COL22A1: variants seen among roughly 807,000 people sequenced by gnomAD.
COL22A1 encodes the protein collagen alpha-1(XXII) chain.
COL22A1 carries 221 observed loss-of-function variants against 248.9 expected under a neutral mutation model. The observed-to-expected ratio is 0.89, with a 90% CI of 0.80 to 0.99. The LOEUF is 0.99. Ranked by LOEUF, COL22A1 falls within the 50% of genes least tolerant of loss-of-function variation. COL22A1 has a pLI of 0.00. For missense variants in COL22A1, 2,240 were observed against 2,179.0 expected, an observed-to-expected ratio of 1.03 and a Z score of -0.56; for synonymous variants, 891 against 793.4, an observed-to-expected ratio of 1.12 and a Z score of -2.07.
At position 138,619,482 on chromosome 8, in the gene COL22A1, TG is replaced by T. The variant is rs776569773; in HGVS notation, c.3797del (p.Pro1266GlnfsTer162). On this transcript the variant is annotated frameshift_variant, in exon 53 of 65. Coordinates refer to ENST00000303045, the MANE Select transcript of COL22A1 (RefSeq NM_152888.3). LOFTEE classifies it high-confidence loss of function. ...EPGKAGEPGLPGPEGARGPPG... is the reference protein window; with the variant it reads ...EPGKAGEPGLXGPEGARGPPG... ...GTGGGCCTCGGGCACCCTCTGGTCC[TG>T]GTAGACCTGGCTCTCCTGCTTTGCC... is the stretch of plus-strand genomic sequence containing the variant. The T allele has an allele frequency of 1.2e-6, 2 of 1,614,056 alleles. No individual in the cohort carries two copies. The highest frequency in any genetic ancestry group is 1.7e-6 in the Non-Finnish European group (2 of 1,180,012).
At chr8:138,646,812 C>T (rs1822243029) in intron 46 of COL22A1, 130 bp from the exon 47 acceptor site, 1 of 652,928 alleles carries the variant, frequency 1.5e-6, no homozygotes, top group African/African-American at 1.8e-5. Flanking sequence ...GTCAGCTACC[C>T]CTGCCCCTAG....
chr8:138,805,850 G>T (rs372712159), intron 10 of COL22A1, among the ~76,000 whole-genome samples: 2,474 of 147,376 alleles, frequency 0.017, 42 homozygotes, highest in African/African-American at 0.056. Context: ...GTGTGTATGT[G>T]TGATGGTGTG....
intron 39 of COL22A1, among the ~76,000 whole-genome samples, chr8:138,683,099 C>T (rs541522141): frequency 6.6e-6 from 1 of 152,290 alleles, no homozygotes; most frequent in South Asian, 2.1e-4. Context: ...CCACATGTGC[C>T]CTGAGCTACC....
At chr8:138,760,719 C>G (rs192493046) in intron 17 of COL22A1, among the ~76,000 whole-genome samples, 21 of 152,312 alleles carry the variant, frequency 1.4e-4, no homozygotes, top group Middle Eastern at 3.4e-3. Flanking sequence ...GCTGCCCAGA[C>G]TCTGGCCAGG....
rs759271482 is a variant in COL22A1, at chr8:138,594,199, G to A, written c.4433C>T (p.Thr1478Ile). The A allele has an allele frequency of 5.7e-6, 9 of 1,566,934 alleles. No homozygotes were observed. In the Admixed American group the frequency reaches 1.4e-4, roughly 25 times the overall value. The change falls in exon 63 of 65, where the codon ACC becomes ATC. Residue 1478 changes from threonine (T) to isoleucine (I), a missense_variant and splice_region_variant. By Grantham distance (89) the Thr-to-Ile change is moderately conservative. Transcript: ENST00000303045. ...IQEELGKQLE[T>I]RLAYLLAQMP... ...CTGGGCCAGGAGGTAGGCGAGTCTG[G>A]CTGTAAAGTAGAAAAAGAGAGGCAT...
chr8:138,833,075 A>G lies in COL22A1; in HGVS notation c.809T>C (p.Val270Ala). 6.2e-7 allele frequency: 1 copy of G among 1,613,814 alleles called. No homozygotes were observed. Among genetic ancestry groups the G allele is most frequent in the Non-Finnish European group, 8.5e-7 (1 of 1,179,654 alleles). ...KRENGAQSSY[V>A]RMGSFPVVQS... ...CACCACAGGGAAGGATCCCATCCGT[A>G]CATAGGAACTCTGAGCTCCATTCTC... Residue 270 changes from valine to alanine, a missense_variant, in exon 5 of 65, where the codon GTA (valine) becomes GCA (alanine). By Grantham distance (64) the Val-to-Ala change is moderately conservative (BLOSUM62 0). Coordinates refer to ENST00000303045, the MANE Select transcript of COL22A1 (RefSeq NM_152888.3).
intron 24 of COL22A1, among the ~76,000 whole-genome samples, 179 bp from the exon 25 acceptor site, chr8:138,724,847 G>A (rs940301400): frequency 3.3e-5 from 5 of 152,190 alleles, no homozygotes; most frequent in African/African-American, 4.8e-5. Flanking sequence ...AAGTTGACAC[G>A]TCCGTGGCTT....
chr8:138,895,113 G>A (rs1055731664), intron 1 of COL22A1, among the ~76,000 whole-genome samples: 3 of 151,164 alleles, frequency 2.0e-5, no homozygotes, highest in Non-Finnish European at 4.4e-5. Flanking sequence ...TTTTTGGGGT[G>A]GTATCAGCAA....
chr8:138,808,772 A>G (rs1378141680), intron 9 of COL22A1, among the ~76,000 whole-genome samples: 1 of 152,244 alleles, frequency 6.6e-6, no homozygotes, highest in Non-Finnish European at 1.5e-5. Flanking sequence ...GCTCCGGAAC[A>G]CACATTTTTA....
intron 47 of COL22A1, among the ~76,000 whole-genome samples, chr8:138,640,437 C>T (rs1440033437): frequency 6.6e-6 from 1 of 152,120 alleles, no homozygotes; most frequent in African/African-American, 2.4e-5. Flanking sequence ...ACAAACCCTT[C>T]TCCTAAACTT....
chr8:138,674,681 A>G (rs879708788), intron 41 of COL22A1, among the ~76,000 whole-genome samples: 3 of 152,118 alleles, frequency 2.0e-5, no homozygotes, highest in African/African-American at 4.8e-5. Context: ...AAGGGCTGAT[A>G]AGGTGAATCT....
intron 30 of COL22A1, among the ~76,000 whole-genome samples, chr8:138,705,992 A>C (rs1210465013): frequency 6.6e-6 from 1 of 152,230 alleles, no homozygotes; most frequent in Non-Finnish European, 1.5e-5. Flanking sequence ...CTAGTCTCTG[A>C]TAAAACAAAA....
At chr8:138,650,675 T>C (rs1410037731) in intron 45 of COL22A1, among the ~76,000 whole-genome samples, 1 of 2,504 alleles carries the variant, frequency 4.0e-4, no homozygotes, top group Non-Finnish European at 2.2e-3. Context: ...AAAGATTAGA[T>C]AGATAGATAG....
intron 45 of COL22A1, among the ~76,000 whole-genome samples, chr8:138,653,055 C>T (rs746964484): frequency 2.6e-5 from 4 of 152,062 alleles, no homozygotes; most frequent in Non-Finnish European, 5.9e-5. Context: ...CCGGTCTGAA[C>T]TATTTTCAAC....
At chr8:138,756,055 CT>C (rs1832976011) in intron 18 of COL22A1, among the ~76,000 whole-genome samples, 1 of 152,140 alleles carries the variant, frequency 6.6e-6, no homozygotes. Flanking sequence ...TGGCAGGAGT[CT>C]TATTTTCTAT....
At chr8:138,770,186 C>T (rs950873618) in intron 16 of COL22A1, among the ~76,000 whole-genome samples, 6 of 152,150 alleles carry the variant, frequency 3.9e-5, no homozygotes, top group Non-Finnish European at 7.3e-5. Context: ...CAGGGCAGGA[C>T]ACCTGGGGAA....
At chr8:138,798,364 A>C (rs991835215) in intron 11 of COL22A1, among the ~76,000 whole-genome samples, 1 of 151,552 alleles carries the variant, frequency 6.6e-6, no homozygotes, top group Non-Finnish European at 1.5e-5. Context: ...TCCTTTACTG[A>C]TCTTTTTTGA....
intron 47 of COL22A1, among the ~76,000 whole-genome samples, chr8:138,641,393 C>T (rs775977054): frequency 6.6e-5 from 10 of 152,248 alleles, no homozygotes; most frequent in South Asian, 6.2e-4. Context: ...GAAATAAAAA[C>T]GCTTTTCGTA....
chr8:138,835,935 C>T (rs1046082795), intron 4 of COL22A1, among the ~76,000 whole-genome samples: 4 of 152,304 alleles, frequency 2.6e-5, no homozygotes, highest in Admixed American at 1.3e-4. Context: ...TTTACTCAAC[C>T]TCTCTGGACC....
Sources: gnomAD v4.1 joint callset for allele counts (sites outside exome capture counted in the v4.1 genomes callset) on GRCh38, gnomAD v4.1.1 for gene constraint, MANE v1.5 for transcripts, NCBI Gene and HGNC (gene_info 2026-07-23, HGNC 2026-07-21) for gene names.